Variants in GRM7 observed in about 807,000 individuals in gnomAD.
GRM7 encodes metabotropic glutamate receptor 7.
Under a neutral mutation model 84.5 loss-of-function variants are expected in GRM7, and 35 were observed. The ratio of observed to expected loss-of-function variants is 0.41; its 90% CI spans 0.32 to 0.55. The LOEUF is 0.55. Ranked by LOEUF, GRM7 falls within the 20% of genes least tolerant of loss-of-function variation. The probability of loss-of-function intolerance (pLI) is 0.19; values close to 1 mark genes in which losing one functional copy is unlikely to be tolerated. For synonymous variants in GRM7, 487 were observed against 455.1 expected, an observed-to-expected ratio of 1.07 and a Z score of -0.89; for missense variants, 1,003 against 1,194.6, an observed-to-expected ratio of 0.84 and a Z score of 2.36.
intron 8 of GRM7, among the ~76,000 whole-genome samples, chr3:7,666,652 T>C (rs1020637694): frequency 6.6e-6 from 1 of 152,200 alleles, no homozygotes; most frequent in African/African-American, 2.4e-5. Context: ...CTTTGTGCTT[T>C]AGGTGTTATT....
At chr3:7,526,839 T>C (rs1367938766) in intron 7 of GRM7, among the ~76,000 whole-genome samples, 2 of 152,042 alleles carry the variant, frequency 1.3e-5, no homozygotes, top group African/African-American at 4.8e-5. Flanking sequence ...TGATTGTAGG[T>C]GTGTGGCTTT....
intron 2 of GRM7, among the ~76,000 whole-genome samples, chr3:7,270,648 C>T (rs1411257544): frequency 2.6e-5 from 4 of 152,158 alleles, no homozygotes; most frequent in Admixed American, 6.5e-5. Context: ...AGACCAGCAG[C>T]TTCAGCATAA....
At chr3:7,273,927 T>G (rs1698958673) in intron 2 of GRM7, among the ~76,000 whole-genome samples, 1 of 152,046 alleles carries the variant, frequency 6.6e-6, no homozygotes, top group African/African-American at 2.4e-5. Context: ...TTGTTGCCCT[T>G]GTTTTTTATT....
At chr3:7,634,655 G>A (rs979736199) in intron 8 of GRM7, among the ~76,000 whole-genome samples, 8 of 151,766 alleles carry the variant, frequency 5.3e-5, no homozygotes, top group East Asian at 3.9e-4. Flanking sequence ...TTAGCCGGGC[G>A]TGGCGGTGTG....
chr3:7,410,624 CAAAT>C (rs369906449), intron 4 of GRM7, among the ~76,000 whole-genome samples: 2 of 145,628 alleles, frequency 1.4e-5, no homozygotes, highest in East Asian at 2.0e-4. Context: ...CACACACACA[CAAAT>C]ACACACATAC....
intron 1 of GRM7, among the ~76,000 whole-genome samples, chr3:7,119,896 AT>A (rs1693162916): frequency 6.6e-6 from 1 of 152,056 alleles, no homozygotes; most frequent in Non-Finnish European, 1.5e-5. Flanking sequence ...ATTTCCTCCC[AT>A]TGTAATATGT....
At chr3:7,498,643 G>C (rs968192842) in intron 7 of GRM7, among the ~76,000 whole-genome samples, 1 of 152,164 alleles carries the variant, frequency 6.6e-6, no homozygotes, top group African/African-American at 2.4e-5. Flanking sequence ...CAGTGTGTGT[G>C]ACCAGCAGTA....
chr3:7,437,160 A>G (rs986138183), intron 5 of GRM7, among the ~76,000 whole-genome samples: 4 of 152,314 alleles, frequency 2.6e-5, no homozygotes, highest in East Asian at 3.9e-4. Context: ...TGCAAAGCCT[A>G]TCTCTTCTAC....
chr3:6,901,988 T>C (rs1037185319), intron 1 of GRM7, among the ~76,000 whole-genome samples: 4 of 152,146 alleles, frequency 2.6e-5, no homozygotes, highest in Non-Finnish European at 5.9e-5. Flanking sequence ...AACTTTTTTT[T>C]ATTTGCCCTA....
rs369730374 is a variant in GRM7 at position 7,160,272 on chromosome 3, GCC to G, written c.736+13606_736+13607del. ...GCCAGGCTATGTAGCCTGGGTGGGA[GCC>G]CAGATAATGTGAGCTGGTAAAGGTT... is the stretch of plus-strand genomic sequence containing the variant. On this transcript the variant is annotated intron_variant, in intron 2 of 9. Transcript: ENST00000357716. Among the ~76,000 whole-genome samples, 416 of 152,254 alleles carry G rather than the reference GCC, an allele frequency of 2.7e-3. 2 individuals carry two copies. Among genetic ancestry groups the G allele is most frequent in the African/African-American group, 9.6e-3 (399 of 41,548 alleles).
rs550842868 is a variant in GRM7 at position 7,668,691 on chromosome 3, G to A, written c.2452-11358G>A. 7.9e-5 allele frequency among the ~76,000 whole-genome samples: 12 copies of A among 152,330 alleles called. No homozygotes were observed. In the South Asian group the frequency reaches 2.5e-3, roughly 32 times the overall value. On this transcript the variant is annotated intron_variant, in intron 8 of 9. Transcript: ENST00000357716. ...ACAGGCAAAGGCCTTGTGACAGAAG[G>A]AAATACAGCATATTTAGGAATATGA...
At chr3:7,504,136 T>C in intron 7 of GRM7, among the ~76,000 whole-genome samples, 1 of 152,312 alleles carries the variant, frequency 6.6e-6, no homozygotes, top group South Asian at 2.1e-4. Flanking sequence ...GGTATAATAC[T>C]TTTAGAGAAA....
chr3:7,022,063 C>T (rs1351873479), intron 1 of GRM7, among the ~76,000 whole-genome samples: 1 of 152,094 alleles, frequency 6.6e-6, no homozygotes, highest in African/African-American at 2.4e-5. Flanking sequence ...GACAGGGGTT[C>T]ACACCTATAA....
intron 9 of GRM7, among the ~76,000 whole-genome samples, chr3:7,689,668 C>A (rs1350592888): frequency 6.6e-6 from 1 of 152,222 alleles, no homozygotes; most frequent in East Asian, 1.9e-4. Flanking sequence ...ATGGCTACTA[C>A]TTCTCTCATT....
chr3:7,029,301 C>CAAAAAAAAA (rs57622634), intron 1 of GRM7, among the ~76,000 whole-genome samples: 2 of 55,208 alleles, frequency 3.6e-5, no homozygotes, highest in African/African-American at 8.5e-5. Flanking sequence ...GACTCTGCCT[C>CAAAAAAAAA]AAAAAAAAAA....
chr3:6,964,893 G>C (rs545363410), intron 1 of GRM7, among the ~76,000 whole-genome samples: 1 of 152,224 alleles, frequency 6.6e-6, no homozygotes, highest in East Asian at 1.9e-4. Flanking sequence ...ACTTTCACTT[G>C]TCTCTTTTTT....
chr3:7,503,391 C>CAT (rs1491150005), intron 7 of GRM7, among the ~76,000 whole-genome samples: 3 of 126,122 alleles, frequency 2.4e-5, no homozygotes, highest in Non-Finnish European at 5.6e-5. Context: ...CACGCACATG[C>CAT]ACACACACAC....
At chr3:7,215,084 G>A (rs1388219039) in intron 2 of GRM7, among the ~76,000 whole-genome samples, 1 of 152,166 alleles carries the variant, frequency 6.6e-6, no homozygotes, top group Non-Finnish European at 1.5e-5. Flanking sequence ...GAGATGACAA[G>A]GTGGTGACAT....
intron 5 of GRM7, among the ~76,000 whole-genome samples, chr3:7,447,398 G>A (rs6786480): frequency 0.36 from 54,763 of 151,994 alleles, 11,145 homozygotes; most frequent in Non-Finnish European, 0.48. Context: ...TTGTAAATGG[G>A]TATATGAATA....
Sources: allele counts gnomAD v4.1 joint callset (sites outside exome capture counted in the v4.1 genomes callset), GRCh38; gene constraint gnomAD v4.1.1; transcripts MANE v1.5; gene names NCBI Gene and HGNC (gene_info 2026-07-23, HGNC 2026-07-21).